PHC1: variants seen among roughly 807,000 people sequenced by gnomAD.
PHC1 encodes polyhomeotic homolog 1.
Under a neutral mutation model 104.3 loss-of-function variants are expected in PHC1, and 12 were observed. The ratio of observed to expected loss-of-function variants is 0.12; its 90% CI spans 0.07 to 0.19. PHC1 has a LOEUF of 0.19. Ranked by LOEUF, PHC1 falls within the 10% of genes least tolerant of loss-of-function variation. The pLI is 1.00. For synonymous variants in PHC1, 302 were observed against 455.8 expected, an observed-to-expected ratio of 0.66 and a Z score of 4.30; for missense variants, 671 against 1,200.0, an observed-to-expected ratio of 0.56 and a Z score of 6.51.
intron 3 of PHC1, 180 bp downstream of exon 3, chr12:8,920,046 GT>G (rs1042634995): frequency 2.2e-6 from 2 of 925,414 alleles, no homozygotes; most frequent in African/African-American, 3.3e-5. Flanking sequence ...AGTAAGAACC[GT>G]AAAATCACTT....
At chr12:8,921,523 C>A in intron 4 of PHC1, 78 bp from the exon 5 acceptor site, 1 of 1,298,838 alleles carries the variant, frequency 7.7e-7, no homozygotes, top group Non-Finnish European at 1.1e-6. Context: ...GACTGTGTGA[C>A]TCTGAATTTG....
In PHC1 at chr12:8,925,045, A is replaced by G. The variant is rs373004798; in HGVS notation, c.612+2257A>G. 1.6e-4 allele frequency among the ~76,000 whole-genome samples: 25 copies of G among 152,310 alleles called. No individual in the cohort carries two copies. In the East Asian group the frequency reaches 2.9e-3, roughly 18 times the overall value. On this transcript the variant is annotated intron_variant, in intron 6 of 14. Transcript: ENST00000544916. The stretch of plus-strand genomic sequence containing the variant: ...AGTTCTTTGATTTATCCGCTCATTC[A>G]TTCATCAGATATTTGAGTGTCAATA...
At chr12:8,934,040 G>C (rs201813302) in intron 9 of PHC1, 28 bp downstream of exon 9, 8 of 1,611,530 alleles carry the variant, frequency 5.0e-6, no homozygotes, top group Non-Finnish European at 6.8e-6. Flanking sequence ...AATGCTGTTG[G>C]AGAGCACACA....
intron 6 of PHC1, 74 bp downstream of exon 6, chr12:8,922,862 C>T: frequency 2.3e-6 from 3 of 1,303,974 alleles, no homozygotes; most frequent in Admixed American, 4.8e-5. Flanking sequence ...CTGGGTCCAC[C>T]CTTCTGCCCC....
intron 6 of PHC1, among the ~76,000 whole-genome samples, chr12:8,925,402 A>G (rs1451665371): frequency 6.6e-6 from 1 of 152,198 alleles, no homozygotes; most frequent in East Asian, 1.9e-4. Context: ...GAAACACCAG[A>G]CATTAAACTG....
intron 6 of PHC1, 51 bp from the exon 7 acceptor site, chr12:8,930,384 C>G: frequency 6.4e-7 from 1 of 1,571,696 alleles, no homozygotes. Flanking sequence ...AATCTTTAAC[C>G]TTAATGCCTC....
Position 8,930,526 on chromosome 12 carries a change from C to A in PHC1, c.704C>A (p.Ser235Tyr), listed in dbSNP as rs761393997. ...STQKAIPPGA[S>Y]PVSSLSQASS... Reference sequence around the variant, plus strand: ...CAGAAGGCCATTCCTCCAGGAGCCTCCCCTGTCTCTAGCCTCTCCCAGGCC... The same window carrying A: ...CAGAAGGCCATTCCTCCAGGAGCCTACCCTGTCTCTAGCCTCTCCCAGGCC... Residue 235 changes from serine to tyrosine, a missense_variant, in exon 7 of 15, where the codon TCC becomes TAC. Ser to Tyr is a moderately radical substitution (Grantham distance 144). This residue lies in a region of PHC1 where 237 missense variants were observed against 331.1 expected (regional missense o/e 0.72). Coordinates refer to ENST00000544916, the MANE Select transcript of PHC1 (RefSeq NM_004426.3). The A allele has an allele frequency of 7.1e-6, 11 of 1,557,734 alleles. No homozygotes were observed. Among genetic ancestry groups the A allele is most frequent in the Non-Finnish European group, 9.6e-6 (11 of 1,150,852 alleles).
chr12:8,924,646 C>T (rs1945465353), intron 6 of PHC1, among the ~76,000 whole-genome samples: 2 of 151,930 alleles, frequency 1.3e-5, no homozygotes, highest in African/African-American at 4.8e-5. Context: ...GAACAGCAAG[C>T]GTAAGAGTAT....
chr12:8,924,056 C>A (rs1945446246), intron 6 of PHC1, among the ~76,000 whole-genome samples: 1 of 152,160 alleles, frequency 6.6e-6, no homozygotes, highest in Non-Finnish European at 1.5e-5. Flanking sequence ...ACTTGAGTGT[C>A]TGCAGACTTT....
At chr12:8,918,804 C>T (rs1020857275) in intron 2 of PHC1, among the ~76,000 whole-genome samples, 4 of 152,194 alleles carry the variant, frequency 2.6e-5, no homozygotes, top group East Asian at 1.9e-4. Flanking sequence ...TACATTCACG[C>T]GTCACTTAAT....
chr12:8,935,314 T>C (rs964541586), intron 11 of PHC1, 76 bp downstream of exon 11: 16 of 635,386 alleles, frequency 2.5e-5, no homozygotes, highest in Non-Finnish European at 4.2e-5. Context: ...TGTAAAATAG[T>C]AGTTACCTAT....
At chr12:8,918,597 A>G (rs1429229813) in intron 2 of PHC1, among the ~76,000 whole-genome samples, 1 of 151,964 alleles carries the variant, frequency 6.6e-6, no homozygotes, top group African/African-American at 2.4e-5. Context: ...CCTCCTGACT[A>G]GCTGGGACTA....
At chr12:8,935,800 G>A (rs1386593995) in intron 11 of PHC1, among the ~76,000 whole-genome samples, 1 of 151,720 alleles carries the variant, frequency 6.6e-6, no homozygotes, top group Non-Finnish European at 1.5e-5. Context: ...CGCTCTTGTT[G>A]CCCAGGCTGG....
chr12:8,916,650 C>T (rs528338088), intron 1 of PHC1, among the ~76,000 whole-genome samples: 2 of 152,004 alleles, frequency 1.3e-5, no homozygotes, highest in Non-Finnish European at 2.9e-5. Context: ...GTGTAGTCCC[C>T]AGTGGGTAAA....
In PHC1 at chr12:8,930,601, A is replaced by G. The variant is rs759909458; in HGVS notation, c.779A>G (p.Gln260Arg). Reference protein sequence around the residue: ...VAQASSGATNQSLNLSQAGGG... With the variant: ...VAQASSGATNRSLNLSQAGGG... ...CAGGCTTCCTCTGGGGCCACAAACC[A>G]GTCCCTCAACCTTAGTCAAGCTGGT... The change falls in exon 7 of 15, where the codon CAG becomes CGG. Residue 260 changes from glutamine to arginine, a missense_variant. By Grantham distance (43) the Gln-to-Arg change is conservative. Coordinates refer to ENST00000544916, the MANE Select transcript of PHC1 (RefSeq NM_004426.3). 1.9e-6 allele frequency: 3 copies of G among 1,547,894 alleles called. No homozygotes were observed. In the South Asian group the frequency reaches 3.5e-5, roughly 18 times the overall value.
chr12:8,937,815 C>CT lies in PHC1; in HGVS notation c.2629-10dup. ...TTGACACTGACCTCATTGGTTTGCT[C>CT]TTTTCCCCTATAGGGTCAAGAAGAC... On this transcript the variant is annotated splice_polypyrimidine_tract_variant and intron_variant, in intron 13 of 14. Coordinates refer to ENST00000544916, the MANE Select transcript of PHC1 (RefSeq NM_004426.3). 1.2e-6 allele frequency: 2 copies of CT among 1,607,394 alleles called. No homozygotes were observed. The highest frequency in any genetic ancestry group is 1.7e-6 in the Non-Finnish European group (2 of 1,174,096).
chr12:8,927,913 C>CTTTCT (rs1555128000), intron 6 of PHC1, among the ~76,000 whole-genome samples: 1,460 of 35,644 alleles, frequency 0.041, 11 homozygotes, highest in Middle Eastern at 0.069. Flanking sequence ...TTCTTTCTTT[C>CTTTCT]TTTTTTTTTT....
chr12:8,938,103 AC>A, intron 14 of PHC1, 43 bp downstream of exon 14: 1 of 1,337,322 alleles, frequency 7.5e-7, no homozygotes, highest in Non-Finnish European at 1.1e-6. Flanking sequence ...GTTTTCCTTA[AC>A]ATCATCCCAC....
In PHC1 at chr12:8,914,657, G is replaced by A. The variant is rs1191910099; in HGVS notation, c.-219G>A. 1 of 149,932 alleles carries A rather than the reference G, an allele frequency of 6.7e-6. No individual in the cohort carries two copies. The highest frequency in any genetic ancestry group is 6.6e-5 in the Admixed American group (1 of 15,082). The allele number at this position is 149,932 out of a possible 1,614,324, so 9.3% of individuals were successfully genotyped here. On this transcript the variant is annotated 5_prime_UTR_variant, in exon 1 of 15. Transcript: ENST00000544916. ...AGGGGCGGGGAGCCGCGGTCGCGCC[G>A]GGCGCCTCCCACCCCGCCCTCGGCG... is the stretch of plus-strand genomic sequence containing the variant.
Sources: gnomAD v4.1 joint callset for allele counts (sites outside exome capture counted in the v4.1 genomes callset) on GRCh38, gnomAD v4.1.1 for gene constraint, gnomAD v4.1.1 regional missense constraint, MANE v1.5 for transcripts, NCBI Gene and HGNC (gene_info 2026-07-23, HGNC 2026-07-21) for gene names.